The following CPAMD8 variants were observed in gnomAD, a reference collection of about 807,000 sequenced individuals.
CPAMD8 encodes the protein C3 and PZP like alpha-2-macroglobulin domain containing 8.
In CPAMD8, 146 loss-of-function variants were observed where a neutral mutation model predicts 224.7. The observed-to-expected ratio is 0.65, with a 90% CI of 0.57 to 0.75. CPAMD8 has a LOEUF of 0.75. Among genes scored for constraint, CPAMD8 ranks in the 30% least tolerant of loss-of-function variants. CPAMD8 has a pLI of 0.00. For synonymous variants in CPAMD8, 966 were observed against 1,044.6 expected (o/e 0.92, Z 1.45); for missense variants, 2,301 against 2,537.5 (o/e 0.91, Z 2.00).
chr19:16,893,271 G>C lies in CPAMD8; in HGVS notation c.5495C>G (p.Pro1832Arg). 6.4e-7 allele frequency: 1 copy of C among 1,565,328 alleles called. No homozygotes were observed. Among genetic ancestry groups the C allele is most frequent in the Middle Eastern group, 1.7e-4 (1 of 5,860 alleles). Reference sequence around the variant, plus strand: ...CGGAGTCTGGCCCCATCTGTGGAACGGGCTGGCGCTCTGGGTGCTGCTTTC... The same window carrying C: ...CGGAGTCTGGCCCCATCTGTGGAACCGGCTGGCGCTCTGGGTGCTGCTTTC... ...NLESSTQSASPFHRWGQTPAP... is the reference protein window; with the variant it reads ...NLESSTQSASRFHRWGQTPAP... The change falls in exon 42 of 42, where the codon CCG becomes CGG. Residue 1832 changes from proline to arginine, a missense_variant. Physicochemically the swap from Pro to Arg is moderately radical, Grantham distance 103. This residue lies in a region of CPAMD8 where 1,709 missense variants were observed against 1,753.2 expected (regional missense o/e 0.97). Coordinates refer to ENST00000443236, the MANE Select transcript of CPAMD8 (RefSeq NM_015692.5).
intron 8 of CPAMD8, among the ~76,000 whole-genome samples, chr19:17,003,333 G>A (rs1002273755): frequency 1.3e-5 from 2 of 151,374 alleles, no homozygotes; most frequent in Non-Finnish European, 2.9e-5. Context: ...CCCGAGTAGC[G>A]GGGACTACAG....
chr19:16,977,661 C>T, intron 14 of CPAMD8, 121 bp from the exon 15 acceptor site: 1 of 680,264 alleles, frequency 1.5e-6, no homozygotes, highest in South Asian at 2.2e-5. Flanking sequence ...TTGAGACAGT[C>T]TGCATCTTTG....
At chr19:17,013,498 G>A (rs1208535143) in intron 3 of CPAMD8, 1 of 51,734 alleles carries the variant, frequency 1.9e-5, no homozygotes, top group African/African-American at 1.6e-4. Context: ...ATGACAGAGC[G>A]AGACTCCGCC....
At chr19:16,924,220 T>G (rs1367131650) in intron 26 of CPAMD8, among the ~76,000 whole-genome samples, 1 of 150,792 alleles carries the variant, frequency 6.6e-6, no homozygotes, top group Non-Finnish European at 1.5e-5. Flanking sequence ...TTGTGGCATT[T>G]TGTTGTGGCA....
chr19:16,901,061 A>AAGGGGG, intron 36 of CPAMD8, 149 bp downstream of exon 36: 2 of 563,694 alleles, frequency 3.5e-6, no homozygotes, highest in Admixed American at 3.6e-5. Context: ...GGGGGAGGGG[A>AAGGGGG]AGGGGGAGGG....
Position 17,022,179 on chromosome 19 carries a change from C to T in CPAMD8, c.95G>A (p.Gly32Asp). 6 of 1,609,580 alleles carry T rather than the reference C, an allele frequency of 3.7e-6. No homozygotes were observed. Among genetic ancestry groups the T allele is most frequent in the South Asian group, 2.2e-5 (2 of 90,186 alleles). ...AACAGAGGGAGCTGCAATCAAGTAA[C>T]CCCTGCAGGAAAGGAGATCCGAGGT... ...GVRAAQPQAP[G>D]YLIAAPSVFR... Residue 32 changes from glycine to aspartate, a missense_variant and splice_region_variant, in exon 2 of 42, where the codon GGT (glycine) becomes GAT (aspartate). Coordinates refer to ENST00000443236, the MANE Select transcript of CPAMD8 (RefSeq NM_015692.5).
chr19:16,997,878 C>T (rs1024755012), intron 10 of CPAMD8, among the ~76,000 whole-genome samples: 5 of 151,930 alleles, frequency 3.3e-5, no homozygotes, highest in African/African-American at 1.2e-4. Context: ...ACACAATCTC[C>T]CACAGCCCAG....
In CPAMD8 at chr19:16,948,781, A is replaced by AGGAGGGGAAG. The variant is rs1240742321; in HGVS notation, c.2509-1564_2509-1555dup. On this transcript the variant is annotated intron_variant, in intron 20 of 41. Coordinates refer to ENST00000443236, the MANE Select transcript of CPAMD8 (RefSeq NM_015692.5). ...GGGTAAGGAGGAGAAAAGACGGGAA[A>AGGAGGGGAAG]GGAGGGGAAGGGAGGGGAAGAGAGG... Among the ~76,000 whole-genome samples, 101 of 131,012 alleles carry AGGAGGGGAAG rather than the reference A, an allele frequency of 7.7e-4. 1 individual carries two copies. The highest frequency in any genetic ancestry group is 2.7e-3 in the African/African-American group (95 of 34,664). The allele number at this position is 131,012 out of a possible 152,430, so 85.9% of individuals were successfully genotyped here. A position where few individuals can be genotyped will look rare whatever the true frequency, so the allele number is the denominator to read the frequency against.
chr19:16,909,511 T>A (rs1461419311), intron 29 of CPAMD8, among the ~76,000 whole-genome samples: 18 of 151,982 alleles, frequency 1.2e-4, no homozygotes, highest in Non-Finnish European at 2.6e-4. Flanking sequence ...GCCACTGTAC[T>A]CCAGCCTGGG....
chr19:17,016,596 A>G (rs908275863), intron 3 of CPAMD8, among the ~76,000 whole-genome samples: 2 of 152,120 alleles, frequency 1.3e-5, no homozygotes, highest in African/African-American at 4.8e-5. Context: ...CCCCACCTCT[A>G]TTGAAAATAC....
rs777505156 is a variant in CPAMD8 at position 16,957,917 on chromosome 19, T to C, written c.2214-2A>G. 6.2e-7 allele frequency: 1 copy of C among 1,612,310 alleles called. No individual in the cohort carries two copies. The highest frequency in any genetic ancestry group is 8.5e-7 in the Non-Finnish European group (1 of 1,179,246). On this transcript the variant is annotated splice_acceptor_variant, in intron 18 of 41. Transcript: ENST00000443236. LOFTEE classifies it high-confidence loss of function. ...AAAGTCCTTTTTCTCTTCTCTGTTCTATGAAAAGAAAAAAAGAAACGATTA... is the reference window on the plus strand; with the variant it reads ...AAAGTCCTTTTTCTCTTCTCTGTTCCATGAAAAGAAAAAAAGAAACGATTA...
chr19:16,908,276 T>C (rs2052598880), intron 29 of CPAMD8, among the ~76,000 whole-genome samples: 1 of 150,960 alleles, frequency 6.6e-6, no homozygotes, highest in Non-Finnish European at 1.5e-5. Flanking sequence ...GGCACAAGAA[T>C]CCCTTGAACC....
At chr19:16,991,490 G>A (rs1002869988) in intron 12 of CPAMD8, among the ~76,000 whole-genome samples, 1 of 152,076 alleles carries the variant, frequency 6.6e-6, no homozygotes, top group East Asian at 1.9e-4. Flanking sequence ...CCACCTGGTA[G>A]GGGATGGGCA....
At chr19:16,946,159 CAT>C (rs971178322) in intron 21 of CPAMD8, among the ~76,000 whole-genome samples, 7 of 127,744 alleles carry the variant, frequency 5.5e-5, no homozygotes, top group East Asian at 2.2e-4. Context: ...CACATGTGGG[CAT>C]GTGTGTGTGT....
At chr19:16,979,379 TGTCC>T (rs2055412322) in intron 14 of CPAMD8, among the ~76,000 whole-genome samples, 1 of 97,006 alleles carries the variant, frequency 1.0e-5, no homozygotes. Flanking sequence ...TCCATCCATC[TGTCC>T]ATTCATCCAT....
intron 18 of CPAMD8, among the ~76,000 whole-genome samples, chr19:16,967,633 C>T (rs989734166): frequency 5.3e-5 from 8 of 151,628 alleles, no homozygotes; most frequent in South Asian, 2.1e-4. Context: ...GGTGAAACCC[C>T]GTCTCTACTA....
intron 3 of CPAMD8, among the ~76,000 whole-genome samples, chr19:17,013,123 T>C (rs1000855152): frequency 6.6e-6 from 1 of 151,684 alleles, no homozygotes; most frequent in Non-Finnish European, 1.5e-5. Flanking sequence ...AGAGGTTGCA[T>C]TGAGCCCAGA....
At chr19:17,008,679 C>G (rs1162648765) in intron 6 of CPAMD8, 120 bp from the exon 7 acceptor site, 1 of 1,092,846 alleles carries the variant, frequency 9.2e-7, no homozygotes, top group Admixed American at 1.8e-5. Context: ...GCGAAGGTCC[C>G]AAGATTAATC....
chr19:17,011,528 A>G lies in CPAMD8; in HGVS notation c.434-12T>C, dbSNP rs763070878. 1.9e-6 allele frequency: 3 copies of G among 1,614,162 alleles called. No individual in the cohort carries two copies. The highest frequency in any genetic ancestry group is 2.5e-6 in the Non-Finnish European group (3 of 1,180,034). ...GATGCTTATGAGCACTAGAAGAAAG[A>G]AGAGAGGCGTGTGACACCTCCAGAC... On this transcript the variant is annotated splice_polypyrimidine_tract_variant and intron_variant, in intron 4 of 41. Transcript: ENST00000443236.
Sources: allele counts gnomAD v4.1 joint callset (sites outside exome capture counted in the v4.1 genomes callset), GRCh38; gene constraint gnomAD v4.1.1; regional missense constraint gnomAD v4.1.1; transcripts MANE v1.5; gene names NCBI Gene and HGNC (gene_info 2026-07-23, HGNC 2026-07-21).